BAZ1B: variants seen among roughly 807,000 people sequenced by gnomAD.
BAZ1B encodes the protein bromodomain adjacent to zinc finger domain 1B, also known as tyrosine-protein kinase BAZ1B.
A neutral mutation model predicts 153.8 loss-of-function variants in BAZ1B; 22 were observed. The observed-to-expected ratio is 0.14, with a 90% CI of 0.10 to 0.20. The LOEUF (loss-of-function observed/expected upper bound fraction) is 0.20. Ranked by LOEUF, BAZ1B falls within the 10% of genes least tolerant of loss-of-function variation. BAZ1B has a pLI of 1.00. For synonymous variants in BAZ1B, 676 were observed against 633.4 expected (o/e 1.07, Z -1.01); for missense variants, 1,325 against 1,799.3 (o/e 0.74, Z 4.77).
At chr7:73,492,690 C>T (rs1027183693) in intron 5 of BAZ1B, 110 bp downstream of exon 5, 1 of 1,103,224 alleles carries the variant, frequency 9.1e-7, no homozygotes, top group Non-Finnish European at 1.3e-6. Context: ...TCAGAATCTG[C>T]TGTACATTCA....
At chr7:73,461,284 C>T (rs1788388637) in intron 12 of BAZ1B, among the ~76,000 whole-genome samples, 1 of 151,828 alleles carries the variant, frequency 6.6e-6, no homozygotes, top group Non-Finnish European at 1.5e-5. Context: ...ATGAACAAGA[C>T]CTATCTCTTA....
chr7:73,481,386 G>A (rs151036564), intron 6 of BAZ1B, among the ~76,000 whole-genome samples: 429 of 151,880 alleles, frequency 2.8e-3, no homozygotes, highest in Middle Eastern at 0.014. Flanking sequence ...GTGCGGTGGC[G>A]GGCGCCTGTA....
chr7:73,509,845 G>A (rs975851922), intron 2 of BAZ1B, among the ~76,000 whole-genome samples: 36 of 152,034 alleles, frequency 2.4e-4, no homozygotes, highest in African/African-American at 7.7e-4. Flanking sequence ...TATCATACCC[G>A]GTTGGGTGCA....
At chr7:73,508,956 T>C (rs1368340913) in intron 2 of BAZ1B, among the ~76,000 whole-genome samples, 1 of 146,592 alleles carries the variant, frequency 6.8e-6, no homozygotes, top group Non-Finnish European at 1.5e-5. Flanking sequence ...GAGCTTACAG[T>C]GAGCCGAGAT....
At chr7:73,512,016 G>A (rs1473253991) in intron 1 of BAZ1B, among the ~76,000 whole-genome samples, 1 of 93,032 alleles carries the variant, frequency 1.1e-5, no homozygotes, top group Non-Finnish European at 1.9e-5. Flanking sequence ...TGATAAGAGC[G>A]AAACTCCACC....
intron 1 of BAZ1B, among the ~76,000 whole-genome samples, chr7:73,517,188 CA>C (rs572164094): frequency 1.5e-4 from 21 of 142,368 alleles, no homozygotes; most frequent in South Asian, 6.7e-4. Flanking sequence ...AGCTCAAAAA[CA>C]AAAAAAAAAG....
intron 13 of BAZ1B, among the ~76,000 whole-genome samples, chr7:73,456,780 A>AT (rs1554569591): frequency 6.6e-6 from 1 of 151,612 alleles, no homozygotes; most frequent in African/African-American, 2.4e-5. Context: ...CGTCTCTACT[A>AT]AAACTACAAA....
At chr7:73,491,247 T>C (rs1294211314) in intron 5 of BAZ1B, among the ~76,000 whole-genome samples, 3 of 151,938 alleles carry the variant, frequency 2.0e-5, no homozygotes, top group African/African-American at 4.8e-5. Flanking sequence ...GACCGTGCCA[T>C]TGTACTCCCG....
chr7:73,448,546 C>T (rs559019594), intron 15 of BAZ1B, among the ~76,000 whole-genome samples: 5 of 152,324 alleles, frequency 3.3e-5, no homozygotes, highest in African/African-American at 1.2e-4. Flanking sequence ...CACCAAAATA[C>T]TACTTCAGAG....
At chr7:73,456,935 C>G (rs35647152) in intron 13 of BAZ1B, among the ~76,000 whole-genome samples, 1 of 58,478 alleles carries the variant, frequency 1.7e-5, no homozygotes, top group Non-Finnish European at 2.9e-5. Context: ...GAGACTCTGT[C>G]TCAAAAAAAA....
In BAZ1B at chr7:73,441,123, G is replaced by A. The variant is rs1304350955; in HGVS notation, c.*586C>T. The A allele has an allele frequency of 4.6e-5, 7 of 152,534 alleles. No homozygotes were observed. Among genetic ancestry groups the A allele is most frequent in the African/African-American group, 9.7e-5 (4 of 41,408 alleles). 9.4% of individuals were successfully genotyped at this position (152,534 alleles called of 1,614,324 possible). ...ACTGCCCTGCTCCCCCTCCAATGTT[G>A]CTGCTTGCCTCAATGAGCCTCCAAC... On this transcript the variant is annotated 3_prime_UTR_variant, in exon 20 of 20. Coordinates refer to ENST00000339594, the MANE Select transcript of BAZ1B (RefSeq NM_032408.4).
Position 73,521,885 on chromosome 7 carries a change from G to C in BAZ1B, c.49C>G (p.Pro17Ala), listed in dbSNP as rs781834822. ...RKPFPLVKPLPGEEPLFTIPH... is the reference protein window; with the variant it reads ...RKPFPLVKPLAGEEPLFTIPH... ...ATGGTGAAGAGCGGCTCCTCTCCGG[G>C]CAACGGCTTCACCAGCGGGAAGGGC... Residue 17 changes from proline to alanine, a missense_variant, in exon 1 of 20, where the codon CCC (proline) becomes GCC (alanine). Coordinates refer to ENST00000339594, the MANE Select transcript of BAZ1B (RefSeq NM_032408.4). 3 of 1,503,812 alleles carry C rather than the reference G, an allele frequency of 2.0e-6. No individual in the cohort carries two copies. The highest frequency in any genetic ancestry group is 2.5e-5 in the South Asian group (2 of 81,328). 93.2% of individuals were successfully genotyped at this position (1,503,812 alleles called of 1,614,324 possible).
In BAZ1B at chr7:73,463,078, A is replaced by G. The variant is rs782041511; in HGVS notation, c.3093T>C (p.Ser1031=). ...LEKRYQDIIH[S]IHLARKPNLG... is the part of the protein sequence containing the mutation. ...AATTTGGCTTCCGTGCTAGATGAAT[A>G]GAGTGAATAATGTCCTGGTACCTAG... is the stretch of plus-strand genomic sequence containing the variant. The change falls in exon 12 of 20, where the codon TCT becomes TCC. Residue 1031 remains serine (S), a synonymous_variant. Transcript: ENST00000339594. The G allele has an allele frequency of 2.5e-6, 4 of 1,613,760 alleles. No individual in the cohort carries two copies. In the Admixed American group the frequency reaches 6.7e-5, roughly 27 times the overall value.
intron 1 of BAZ1B, among the ~76,000 whole-genome samples, chr7:73,518,405 T>C (rs1554579670): frequency 6.6e-6 from 1 of 151,342 alleles, no homozygotes; most frequent in Non-Finnish European, 1.5e-5. Flanking sequence ...AGAGCGAGAC[T>C]CCGTCTCAAA....
At chr7:73,495,723 C>T (rs759232732) in intron 4 of BAZ1B, among the ~76,000 whole-genome samples, 11 of 152,180 alleles carry the variant, frequency 7.2e-5, no homozygotes, top group Non-Finnish European at 1.6e-4. Flanking sequence ...AGATCATGTC[C>T]TTTGCAGCGA....
intron 6 of BAZ1B, among the ~76,000 whole-genome samples, chr7:73,488,590 G>C (rs1288625425): frequency 6.6e-6 from 1 of 151,962 alleles, no homozygotes; most frequent in African/African-American, 2.4e-5. Context: ...AAATTAGCCA[G>C]GTGTGGTGGC....
chr7:73,487,726 A>T lies in BAZ1B; in HGVS notation c.891+1468T>A, dbSNP rs1229750189. Among the ~76,000 whole-genome samples the T allele has an allele frequency of 4.6e-5, 7 of 152,228 alleles. No individual in the cohort carries two copies. In the East Asian group the frequency reaches 1.2e-3, roughly 25 times the overall value. ...CCAAACTCTGTGGCAACAAAATGAC[A>T]GTGAACTCAAAATTTCTCCTCAACA... On this transcript the variant is annotated intron_variant, in intron 6 of 19. Transcript: ENST00000339594.
At chr7:73,500,367 A>G (rs1554576970) in intron 3 of BAZ1B, among the ~76,000 whole-genome samples, 2 of 150,896 alleles carry the variant, frequency 1.3e-5, no homozygotes, top group African/African-American at 4.9e-5. Flanking sequence ...GTGAAACCTC[A>G]TCTCTACAAA....
chr7:73,475,004 G>A (rs1788945437), intron 7 of BAZ1B, among the ~76,000 whole-genome samples: 1 of 152,122 alleles, frequency 6.6e-6, no homozygotes, highest in South Asian at 2.1e-4. Context: ...TCAAAGAAAT[G>A]CAAATCAAAA....
Sources: allele counts gnomAD v4.1 joint callset (sites outside exome capture counted in the v4.1 genomes callset), GRCh38; gene constraint gnomAD v4.1.1; transcripts MANE v1.5; gene names NCBI Gene and HGNC (gene_info 2026-07-23, HGNC 2026-07-21).